Variants in VPS13A observed in about 807,000 individuals in gnomAD.
The protein encoded by VPS13A is intermembrane lipid transfer protein VPS13A.
Under a neutral mutation model 390.9 loss-of-function variants are expected in VPS13A, and 264 were observed. The ratio of observed to expected loss-of-function variants is 0.68; its 90% CI spans 0.61 to 0.75. The LOEUF is 0.75. Among genes scored for constraint, VPS13A ranks in the 30% least tolerant of loss-of-function variants. The pLI, the probability that VPS13A is intolerant of heterozygous loss-of-function variation, is 0.00. For missense variants in VPS13A, 3,409 were observed against 3,733.9 expected, an observed-to-expected ratio of 0.91 and a Z score of 2.27; for synonymous variants, 1,231 against 1,227.1, an observed-to-expected ratio of 1.00 and a Z score of -0.07.
intron 5 of VPS13A, among the ~76,000 whole-genome samples, chr9:77,207,820 G>T (rs940521395): frequency 6.6e-6 from 1 of 152,006 alleles, no homozygotes; most frequent in African/African-American, 2.4e-5. Flanking sequence ...GTTTGGTGGG[G>T]TTTCCAGTTC....
At position 77,320,154 on chromosome 9, in the gene VPS13A, A is replaced by G. The variant is rs113343023; in HGVS notation, c.5415+481A>G. On this transcript the variant is annotated intron_variant, in intron 42 of 71. Transcript: ENST00000360280. Reference sequence around the variant, plus strand: ...TCCTTACAACAACTCTTGGAGGTAGATACAGTTTTTATTTAACATGTGAAG... The same window carrying G: ...TCCTTACAACAACTCTTGGAGGTAGGTACAGTTTTTATTTAACATGTGAAG... 3.7e-3 allele frequency among the ~76,000 whole-genome samples: 566 copies of G among 152,318 alleles called. 2 individuals carry two copies. Among genetic ancestry groups the G allele is most frequent in the Middle Eastern group, 6.8e-3 (2 of 294 alleles).
intron 68 of VPS13A, among the ~76,000 whole-genome samples, chr9:77,398,704 G>C (rs1834222398): frequency 6.6e-6 from 1 of 152,088 alleles, no homozygotes; most frequent in Admixed American, 6.5e-5. Flanking sequence ...TGTTTATAAT[G>C]TTCTTATTCC....
Position 77,318,411 on chromosome 9 carries a change from C to G in VPS13A, c.5133C>G (p.Pro1711=), listed in dbSNP as rs1180237262. 6.2e-7 allele frequency: 1 copy of G among 1,613,780 alleles called. No individual in the cohort carries two copies. Among genetic ancestry groups the G allele is most frequent in the Admixed American group, 1.7e-5 (1 of 59,976 alleles). The change falls in exon 41 of 72, where the codon CCC becomes CCG. Residue 1711 remains proline (P), a synonymous_variant. Transcript: ENST00000360280. ...CAAATGAAACTGAAAAAATAGCTCC[C>G]ACAACTGAATTGGTACCCAAAGGCG... ...EESNETEKIA[P]TTELVPKGEM...
chr9:77,263,250 G>C (rs565421771), intron 23 of VPS13A, among the ~76,000 whole-genome samples: 1 of 152,080 alleles, frequency 6.6e-6, no homozygotes, highest in East Asian at 1.9e-4. Context: ...GGGACTACAG[G>C]TGCTCACCAC....
At chr9:77,259,988 A>G (rs1825664495) in intron 22 of VPS13A, 98 bp from the exon 23 acceptor site, 1 of 879,210 alleles carries the variant, frequency 1.1e-6, no homozygotes, top group East Asian at 2.7e-5. Context: ...GTTTAAAATC[A>G]CATTTGATTC....
intron 5 of VPS13A, among the ~76,000 whole-genome samples, chr9:77,207,213 T>TTATATATATATATATATATATA (rs61703004): frequency 7.0e-5 from 3 of 43,126 alleles, no homozygotes; most frequent in Non-Finnish European, 1.0e-4. Flanking sequence ...TATTTAGATA[T>TTATATATATATATATATATATA]TATATATATA....
At chr9:77,382,601 T>C in intron 68 of VPS13A, 1 of 1,067,760 alleles carries the variant, frequency 9.4e-7, no homozygotes, top group Non-Finnish European at 1.1e-6. Flanking sequence ...TTATACCAGA[T>C]ATATAATCCT....
chr9:77,406,656 A>G (rs1455199611), intron 70 of VPS13A, among the ~76,000 whole-genome samples: 2 of 151,354 alleles, frequency 1.3e-5, no homozygotes, highest in Admixed American at 1.3e-4. Flanking sequence ...GGCTCAAGCA[A>G]TCTGCCTGCC....
chr9:77,270,386 T>C (rs936842753), intron 23 of VPS13A, among the ~76,000 whole-genome samples: 1 of 152,214 alleles, frequency 6.6e-6, no homozygotes, highest in Non-Finnish European at 1.5e-5. Flanking sequence ...TATGTTCTAG[T>C]GATGAAGTTG....
At chr9:77,255,631 G>T (rs983643845) in intron 22 of VPS13A, among the ~76,000 whole-genome samples, 2 of 152,036 alleles carry the variant, frequency 1.3e-5, no homozygotes, top group Non-Finnish European at 2.9e-5. Context: ...CTATTGAAGC[G>T]ATCAGATCGT....
At chr9:77,244,021 T>C (rs1329326573) in intron 19 of VPS13A, among the ~76,000 whole-genome samples, 3 of 152,054 alleles carry the variant, frequency 2.0e-5, no homozygotes, top group Non-Finnish European at 4.4e-5. Flanking sequence ...GAGGAACACT[T>C]GAGGTCAGGA....
chr9:77,415,207 T>C (rs1391955451), intron 71 of VPS13A, among the ~76,000 whole-genome samples: 1 of 152,208 alleles, frequency 6.6e-6, no homozygotes, highest in African/African-American at 2.4e-5. Flanking sequence ...AAGTTTTCTT[T>C]TAATTCCTTC....
At chr9:77,335,318 A>G (rs1341614392) in intron 46 of VPS13A, among the ~76,000 whole-genome samples, 1 of 152,070 alleles carries the variant, frequency 6.6e-6, no homozygotes. Context: ...TCTTAAAACT[A>G]CTCTTCTGCA....
At chr9:77,287,506 A>C (rs993156177) in intron 31 of VPS13A, among the ~76,000 whole-genome samples, 7 of 152,182 alleles carry the variant, frequency 4.6e-5, no homozygotes, top group African/African-American at 1.7e-4. Context: ...CCTATTTGAG[A>C]TACTATAGTC....
Position 77,420,344 on chromosome 9 carries a change from C to G in VPS13A, c.*4338C>G, listed in dbSNP as rs781387069. 1 of 152,170 alleles carries G rather than the reference C, an allele frequency of 6.6e-6. No individual in the cohort carries two copies. The highest frequency in any genetic ancestry group is 1.5e-5 in the Non-Finnish European group (1 of 68,020). The allele number at this position is 152,170 out of a possible 1,614,324, so 9.4% of individuals were successfully genotyped here. Reference sequence around the variant, plus strand: ...TGCAGAATCCTACTCTATTACAAACCTCACTCATGTTTCTTTTATTGAAAC... The same window carrying G: ...TGCAGAATCCTACTCTATTACAAACGTCACTCATGTTTCTTTTATTGAAAC... On this transcript the variant is annotated 3_prime_UTR_variant, in exon 72 of 72. Transcript: ENST00000360280.
At chr9:77,212,333 C>T (rs1358726664) in intron 7 of VPS13A, among the ~76,000 whole-genome samples, 1 of 151,998 alleles carries the variant, frequency 6.6e-6, no homozygotes, top group Non-Finnish European at 1.5e-5. Context: ...CTGAATGTGC[C>T]ATATATTTGT....
At chr9:77,368,203 CATATATAATGTGG>C (rs1261717716) in intron 62 of VPS13A, 67 bp downstream of exon 62, 1 of 1,278,610 alleles carries the variant, frequency 7.8e-7, no homozygotes, top group African/African-American at 1.5e-5. Context: ...TGTGTCTATA[CATATATAATGTGG>C]AACTATTGAG....
intron 10 of VPS13A, among the ~76,000 whole-genome samples, chr9:77,218,948 G>A (rs879378476): frequency 1.3e-5 from 2 of 152,132 alleles, no homozygotes; most frequent in African/African-American, 2.4e-5. Context: ...TAGGGGCACT[G>A]TGGAGTTAAG....
At chr9:77,235,675 A>AT (rs1265453849) in intron 17 of VPS13A, among the ~76,000 whole-genome samples, 2 of 151,998 alleles carry the variant, frequency 1.3e-5, no homozygotes, top group African/African-American at 4.8e-5. Context: ...CCCGTAGTGC[A>AT]TATGTTGTTC....
Sources: allele counts gnomAD v4.1 joint callset (sites outside exome capture counted in the v4.1 genomes callset), GRCh38; gene constraint gnomAD v4.1.1; transcripts MANE v1.5; gene names NCBI Gene and HGNC (gene_info 2026-07-23, HGNC 2026-07-21).